The following DYM variants were observed in gnomAD, a reference collection of about 807,000 sequenced individuals.
DYM encodes the protein dyggve-Melchior-Clausen syndrome protein.
Under a neutral mutation model 93.1 loss-of-function variants are expected in DYM, and 78 were observed. That is an observed-to-expected ratio of 0.84 (90% CI 0.70 to 1.01). The LOEUF (loss-of-function observed/expected upper bound fraction) is 1.01, where lower values mean the gene tolerates loss of function less well. Ranked by LOEUF, DYM falls within the 50% of genes least tolerant of loss-of-function variation. The probability of loss-of-function intolerance (pLI) is 0.00; values close to 1 mark genes in which losing one functional copy is unlikely to be tolerated. For synonymous variants in DYM, 321 were observed against 319.7 expected (o/e 1.00, Z -0.04); for missense variants, 789 against 845.0 (o/e 0.93, Z 0.82).
chr18:49,246,299 A>T (rs2094165266), intron 13 of DYM, among the ~76,000 whole-genome samples: 1 of 152,136 alleles, frequency 6.6e-6, no homozygotes, highest in Admixed American at 6.5e-5. Context: ...AAATCTTTTT[A>T]CCTTTGTTTA....
chr18:49,270,577 A>G (rs2094671378), intron 11 of DYM, among the ~76,000 whole-genome samples: 1 of 152,192 alleles, frequency 6.6e-6, no homozygotes. Flanking sequence ...TGCTCTTGCC[A>G]CAAAAAATAA....
chr18:49,311,207 T>C (rs1034120373), intron 8 of DYM, among the ~76,000 whole-genome samples: 4 of 152,120 alleles, frequency 2.6e-5, no homozygotes, highest in Non-Finnish European at 5.9e-5. Context: ...GGAAGGATCA[T>C]GTAAGTGGAA....
intron 2 of DYM, among the ~76,000 whole-genome samples, chr18:49,425,845 A>G (rs577053406): frequency 5.3e-4 from 80 of 152,166 alleles, no homozygotes; most frequent in Non-Finnish European, 7.2e-4. Flanking sequence ...ACCACAATGA[A>G]ATACCATCTC....
intron 16 of DYM, among the ~76,000 whole-genome samples, chr18:49,117,050 A>G (rs2145950067): frequency 6.6e-6 from 1 of 152,344 alleles, no homozygotes; most frequent in Middle Eastern, 3.4e-3. Flanking sequence ...TGGTTCATAA[A>G]GATTTCCCTT....
intron 13 of DYM, among the ~76,000 whole-genome samples, chr18:49,227,024 T>A (rs1053935181): frequency 6.6e-6 from 1 of 152,146 alleles, no homozygotes; most frequent in African/African-American, 2.4e-5. Context: ...AAAACTGTTC[T>A]TCAGTCCACA....
intron 15 of DYM, among the ~76,000 whole-genome samples, chr18:49,134,800 A>G (rs2083678901): frequency 6.6e-6 from 1 of 152,216 alleles, no homozygotes. Context: ...TTTGTACGGC[A>G]GAAATCTATC....
intron 8 of DYM, among the ~76,000 whole-genome samples, chr18:49,323,959 G>A (rs1382322103): frequency 1.3e-5 from 2 of 151,992 alleles, no homozygotes; most frequent in African/African-American, 4.8e-5. Context: ...CCAACATGGT[G>A]AAATCATGTC....
At chr18:49,061,249 A>G (rs2144647712) in intron 17 of DYM, among the ~76,000 whole-genome samples, 1 of 152,274 alleles carries the variant, frequency 6.6e-6, no homozygotes, top group South Asian at 2.1e-4. Flanking sequence ...TGGAAGCATC[A>G]AGAAAGGCTT....
chr18:49,404,908 G>A (rs2071284791), intron 2 of DYM, among the ~76,000 whole-genome samples: 1 of 151,640 alleles, frequency 6.6e-6, no homozygotes, highest in African/African-American at 2.4e-5. Context: ...AGCTACTCGG[G>A]AGGCTGAAGC....
intron 17 of DYM, among the ~76,000 whole-genome samples, chr18:49,050,691 A>G (rs2072318336): frequency 2.0e-5 from 3 of 152,010 alleles, no homozygotes; most frequent in Non-Finnish European, 2.9e-5. Context: ...GCCATGTACC[A>G]GGCACTTCCT....
chr18:49,125,479 T>C (rs1165253386), intron 15 of DYM, among the ~76,000 whole-genome samples: 1 of 152,170 alleles, frequency 6.6e-6, no homozygotes, highest in Non-Finnish European at 1.5e-5. Context: ...AAATACTCTC[T>C]TTCAAGAAAG....
In DYM at chr18:49,378,547, T is replaced by C. The variant is rs778841407; in HGVS notation, c.421+20A>G. 5.9e-5 allele frequency: 95 copies of C among 1,596,780 alleles called. No individual in the cohort carries two copies. Among genetic ancestry groups the C allele is most frequent in the Non-Finnish European group, 8.1e-5 (94 of 1,165,200 alleles). On this transcript the variant is annotated intron_variant, in intron 5 of 17. Coordinates refer to ENST00000675505, the MANE Select transcript of DYM (RefSeq NM_001353214.3). ...TGTTACACATGATATATCCAGAACA[T>C]CTTTAAAAACAATACTTACTGTAAT...
intron 13 of DYM, among the ~76,000 whole-genome samples, chr18:49,218,493 A>G (rs1418824572): frequency 2.6e-5 from 4 of 152,204 alleles, no homozygotes; most frequent in East Asian, 3.8e-4. Flanking sequence ...AAAATTGACC[A>G]CATAGTTGGA....
chr18:49,129,937 T>C (rs900669810), intron 15 of DYM, among the ~76,000 whole-genome samples: 1 of 152,122 alleles, frequency 6.6e-6, no homozygotes, highest in Non-Finnish European at 1.5e-5. Flanking sequence ...CTCCAGGACA[T>C]AGATAAAGAT....
At chr18:49,189,934 G>A (rs906653581) in intron 14 of DYM, among the ~76,000 whole-genome samples, 2 of 152,180 alleles carry the variant, frequency 1.3e-5, no homozygotes, top group Admixed American at 6.5e-5. Context: ...TTAAATGACA[G>A]TGATTCTTCA....
Position 49,037,289 on chromosome 18 carries a change from A to C in DYM, c.*6766T>G, listed in dbSNP as rs2070740967. 6.6e-6 allele frequency among the ~76,000 whole-genome samples: 1 copy of C among 152,094 alleles called. No homozygotes were observed. The highest frequency in any genetic ancestry group is 2.4e-5 in the African/African-American group (1 of 41,404). Reference sequence around the variant, plus strand: ...GTAATTTGGCTTATTTTTGGGTTTCATGTGCTGTTTTTAAAATTTTTGAGG... The same window carrying C: ...GTAATTTGGCTTATTTTTGGGTTTCCTGTGCTGTTTTTAAAATTTTTGAGG... On this transcript the variant is annotated 3_prime_UTR_variant, in exon 18 of 18. Transcript: ENST00000675505.
intron 14 of DYM, among the ~76,000 whole-genome samples, chr18:49,195,914 A>ATTTTTTTTT (rs2091393949): frequency 1.0e-5 from 1 of 97,748 alleles, no homozygotes; most frequent in African/African-American, 5.3e-5. Flanking sequence ...GAATGCTACC[A>ATTTTTTTTT]TCTTTTTTTT....
Position 49,231,084 on chromosome 18 carries a change from C to T in DYM, c.1461-21369G>A, listed in dbSNP as rs919711373. On this transcript the variant is annotated intron_variant, in intron 13 of 17. Coordinates refer to ENST00000675505, the MANE Select transcript of DYM (RefSeq NM_001353214.3). ...ATAGATATATTAGCTTAGACTACTACACTGCCTTTTGAGAAGTTCAAAGAA... is the reference window on the plus strand; with the variant it reads ...ATAGATATATTAGCTTAGACTACTATACTGCCTTTTGAGAAGTTCAAAGAA... 3.3e-5 allele frequency among the ~76,000 whole-genome samples: 5 copies of T among 152,320 alleles called. No homozygotes were observed. In the East Asian group the frequency reaches 9.6e-4, roughly 29 times the overall value.
chr18:49,199,571 T>TGA (rs2091833302), intron 14 of DYM, among the ~76,000 whole-genome samples: 1 of 152,170 alleles, frequency 6.6e-6, no homozygotes, highest in Non-Finnish European at 1.5e-5. Context: ...CCATAATGGT[T>TGA]TAAGTGGGAT....
Sources: allele counts gnomAD v4.1 joint callset (sites outside exome capture counted in the v4.1 genomes callset), GRCh38; gene constraint gnomAD v4.1.1; transcripts MANE v1.5; gene names NCBI Gene and HGNC (gene_info 2026-07-23, HGNC 2026-07-21).